Variants in CIMIP5 observed in about 807,000 individuals in gnomAD.
CIMIP5 encodes ciliary microtubule inner protein 5.
chr2:11,139,852 C>CG, the CIMIP5 span, among the ~76,000 whole-genome samples: 2 of 151,936 alleles, frequency 1.3e-5, no homozygotes, highest in Non-Finnish European at 2.9e-5. Context: ...TTTGGGAGGC[C>CG]AAGGTGGGTG....
chr2:11,153,615 C>G, the CIMIP5 span, among the ~76,000 whole-genome samples: 8 of 152,328 alleles, frequency 5.3e-5, no homozygotes, highest in African/African-American at 1.9e-4. Flanking sequence ...TCAACAGGTT[C>G]TAGATGTTCC....
At chr2:11,149,278 A>T in the CIMIP5 span, among the ~76,000 whole-genome samples, 1 of 151,486 alleles carries the variant, frequency 6.6e-6, no homozygotes, top group African/African-American at 2.4e-5. Context: ...TTCACTGAGG[A>T]CAACGCTACC....
chr2:11,133,423 C>T, the CIMIP5 span: 6 of 1,611,272 alleles, frequency 3.7e-6, no homozygotes, highest in Middle Eastern at 1.7e-4. Context: ...TCGGTCTCCC[C>T]AGCTGCCCGG....
the CIMIP5 span, chr2:11,145,476 C>A: frequency 2.0e-5 from 3 of 152,006 alleles, no homozygotes; most frequent in African/African-American, 7.3e-5. Flanking sequence ...TATATTTAAG[C>A]AAAAAAATGC....
chr2:11,138,695 G>A, the CIMIP5 span, among the ~76,000 whole-genome samples: 1 of 151,964 alleles, frequency 6.6e-6, no homozygotes, highest in Non-Finnish European at 1.5e-5. Flanking sequence ...TCACAGTAGT[G>A]AGTTCTCACC....
the CIMIP5 span, among the ~76,000 whole-genome samples, chr2:11,137,021 C>A: frequency 6.6e-6 from 1 of 152,292 alleles, no homozygotes; most frequent in African/African-American, 2.4e-5. Flanking sequence ...TGCTGCCCAA[C>A]GGAAATACAA....
the CIMIP5 span, among the ~76,000 whole-genome samples, chr2:11,150,757 C>G: frequency 2.6e-5 from 4 of 151,962 alleles, no homozygotes; most frequent in South Asian, 8.3e-4. Context: ...CATTTTAATT[C>G]CTGAATAAGA....
the CIMIP5 span, among the ~76,000 whole-genome samples, chr2:11,135,123 A>G: frequency 2.6e-5 from 4 of 152,326 alleles, no homozygotes; most frequent in Middle Eastern, 3.4e-3. Flanking sequence ...GCACGAAGCC[A>G]TTCGTGACCC....
the CIMIP5 span, chr2:11,144,020 C>G: frequency 6.2e-7 from 1 of 1,607,848 alleles, no homozygotes; most frequent in South Asian, 1.1e-5. Context: ...AGGCTGGACA[C>G]ACCCCTGGGA....
the CIMIP5 span, among the ~76,000 whole-genome samples, chr2:11,142,557 G>A: frequency 1.3e-5 from 2 of 152,102 alleles, no homozygotes; most frequent in Admixed American, 1.3e-4. Flanking sequence ...TCTGCATCAT[G>A]GCCAAAGGGT....
chr2:11,152,950 C>T, the CIMIP5 span, among the ~76,000 whole-genome samples: 18 of 152,288 alleles, frequency 1.2e-4, no homozygotes, highest in Middle Eastern at 3.4e-3. Context: ...TAGTTTGCAC[C>T]TGGTGGGGAA....
chr2:11,141,683 C>T, the CIMIP5 span, among the ~76,000 whole-genome samples: 1 of 152,142 alleles, frequency 6.6e-6, no homozygotes, highest in Non-Finnish European at 1.5e-5. Context: ...GCTGTGAACT[C>T]CTTAAGAGAA....
At chr2:11,145,936 C>T in the CIMIP5 span, 1 of 152,214 alleles carries the variant, frequency 6.6e-6, no homozygotes, top group African/African-American at 2.4e-5. Flanking sequence ...TTCTCAACAA[C>T]CCAAGAGAAT....
At chr2:11,153,889 A>C in the CIMIP5 span, among the ~76,000 whole-genome samples, 2 of 149,228 alleles carry the variant, frequency 1.3e-5, no homozygotes, top group African/African-American at 2.5e-5. Context: ...GTGCCACTGC[A>C]CTCCAGCCTG....
chr2:11,140,961 C>T, the CIMIP5 span, among the ~76,000 whole-genome samples: 1 of 152,026 alleles, frequency 6.6e-6, no homozygotes, highest in Non-Finnish European at 1.5e-5. Context: ...CACATTGCCA[C>T]CAGACTAATT....
chr2:11,143,407 G>C, the CIMIP5 span, among the ~76,000 whole-genome samples: 1 of 151,732 alleles, frequency 6.6e-6, no homozygotes, highest in African/African-American at 2.4e-5. Flanking sequence ...CTTGGGAGCA[G>C]AGACAGGGGC....
the CIMIP5 span, chr2:11,133,530 G>A: frequency 3.1e-6 from 5 of 1,608,094 alleles, no homozygotes; most frequent in East Asian, 8.9e-5. Context: ...CTGCGATGGC[G>A]TGCAGCAGGA....
chr2:11,149,056 G>A, the CIMIP5 span, among the ~76,000 whole-genome samples: 1 of 152,006 alleles, frequency 6.6e-6, no homozygotes, highest in Non-Finnish European at 1.5e-5. Flanking sequence ...TTCTATTGAA[G>A]AATGCAGAAT....
At chr2:11,143,499 T>G in the CIMIP5 span, among the ~76,000 whole-genome samples, 8 of 151,868 alleles carry the variant, frequency 5.3e-5, no homozygotes, top group East Asian at 1.5e-3. Flanking sequence ...TTGTGAACAT[T>G]TGTCAAGCTG....
Sources: allele counts gnomAD v4.1 joint callset (sites outside exome capture counted in the v4.1 genomes callset), GRCh38; gene constraint gnomAD v4.1.1; transcripts MANE v1.5; gene names NCBI Gene and HGNC (gene_info 2026-07-23, HGNC 2026-07-21).